The following ITGAX variants were observed in gnomAD, a reference collection of about 807,000 sequenced individuals.
The protein encoded by ITGAX is integrin alpha-X.
A neutral mutation model predicts 140.2 loss-of-function variants in ITGAX; 99 were observed. The observed-to-expected ratio is 0.71, with a 90% CI of 0.60 to 0.83. The LOEUF (loss-of-function observed/expected upper bound fraction) is 0.83. Ranked by LOEUF, ITGAX falls within the 40% of genes least tolerant of loss-of-function variation. ITGAX has a pLI of 0.00. For missense variants in ITGAX, 1,444 were observed against 1,482.0 expected (o/e 0.97, Z 0.42); for synonymous variants, 631 against 600.4 (o/e 1.05, Z -0.75).
chr16:31,378,879 C>T (rs140794332), intron 23 of ITGAX, among the ~76,000 whole-genome samples: 1 of 151,422 alleles, frequency 6.6e-6, no homozygotes, highest in African/African-American at 2.4e-5. Context: ...GCAGTTGTAC[C>T]ATCTCTGCTC....
At chr16:31,365,235 A>T (rs1165714422) in intron 14 of ITGAX, among the ~76,000 whole-genome samples, 1 of 152,134 alleles carries the variant, frequency 6.6e-6, no homozygotes, top group Non-Finnish European at 1.5e-5. Context: ...GTGACTGCTA[A>T]TGGGTGTGGA....
At chr16:31,357,486 C>T (rs868016039) in intron 5 of ITGAX, 122 bp downstream of exon 5, 2 of 662,962 alleles carry the variant, frequency 3.0e-6, no homozygotes, top group Admixed American at 2.9e-5. Context: ...AGAGTTACCA[C>T]GTGTTGCAGT....
chr16:31,380,665 G>A (rs2081060930), intron 28 of ITGAX, 41 bp downstream of exon 28: 2 of 1,609,772 alleles, frequency 1.2e-6, no homozygotes, highest in Non-Finnish European at 1.7e-6. Context: ...CTGGAAAGAG[G>A]GCCCCTAGGG....
rs532207342 is a variant in ITGAX at position 31,373,509 on chromosome 16, G to A, written c.2508+119G>A. ...TGCCATCTGGGGCACGCCTCTGCTC[G>A]TGTGGGTGTTCAACTTTGGGCATCG... On this transcript the variant is annotated intron_variant, in intron 20 of 29. Coordinates refer to ENST00000268296, the MANE Select transcript of ITGAX (RefSeq NM_000887.5). 4.9e-5 allele frequency: 51 copies of A among 1,033,322 alleles called. No individual in the cohort carries two copies. In the African/African-American group the frequency reaches 5.2e-4, roughly 11 times the overall value. The allele number at this position is 1,033,322 out of a possible 1,614,324, so 64.0% of individuals were successfully genotyped here.
intron 23 of ITGAX, 93 bp from the exon 24 acceptor site, chr16:31,379,475 C>A (rs2081048125): frequency 1.6e-6 from 2 of 1,247,940 alleles, no homozygotes; most frequent in East Asian, 2.5e-5. Context: ...ATTCCAAGGC[C>A]CCACCGACCA....
chr16:31,364,180 T>G (rs1349846881), intron 14 of ITGAX, among the ~76,000 whole-genome samples: 1 of 151,986 alleles, frequency 6.6e-6, no homozygotes, highest in Non-Finnish European at 1.5e-5. Flanking sequence ...TCCGACACTT[T>G]GGGAGGCTGA....
In ITGAX at chr16:31,380,038, G is replaced by C. The variant is rs751667087; in HGVS notation, c.3033G>C (p.Leu1011=). 4 of 1,614,100 alleles carry C rather than the reference G, an allele frequency of 2.5e-6. No individual in the cohort carries two copies. The highest frequency in any genetic ancestry group is 3.4e-6 in the Non-Finnish European group (4 of 1,179,988). ...TCGCACCCCCAGCATCTGACTTCCT[G>C]GCGCACATTCAGAAGAATCCCGTGC... ...EKIAPPASDF[L]AHIQKNPVLD... The change falls in exon 26 of 30, where the codon CTG becomes CTC. Residue 1011 remains leucine, a synonymous_variant. Transcript: ENST00000268296.
At chr16:31,373,537 G>GT (rs1480566490) in intron 20 of ITGAX, 147 bp downstream of exon 20, 22 of 750,202 alleles carry the variant, frequency 2.9e-5, no homozygotes, top group Non-Finnish European at 3.9e-5. Context: ...GGGCATCGCA[G>GT]TTTAAGGACA....
intron 14 of ITGAX, 124 bp from the exon 15 acceptor site, chr16:31,370,960 A>G (rs1212543056): frequency 3.4e-6 from 4 of 1,178,190 alleles, no homozygotes; most frequent in Non-Finnish European, 3.7e-6. Context: ...TCTTGGTGAC[A>G]TCTGTTCACA....
At position 31,357,923 on chromosome 16, in the gene ITGAX, G is replaced by A. The variant is rs116570341; in HGVS notation, c.430+559G>A. The A allele has an allele frequency of 6.3e-3, 1,158 of 183,914 alleles. 23 individuals carry two copies. The highest frequency in any genetic ancestry group is 0.026 in the African/African-American group (1,109 of 42,888). 11.4% of individuals were successfully genotyped at this position (183,914 alleles called of 1,614,324 possible). A position where few individuals can be genotyped will look rare whatever the true frequency, so the allele number is the denominator to read the frequency against. ...TGTGTGTGTGCGTGTGCACATGCAG[G>A]TTGAGACGCAGGGCCTGACTTCCCT... On this transcript the variant is annotated intron_variant, in intron 5 of 29. Coordinates refer to ENST00000268296, the MANE Select transcript of ITGAX (RefSeq NM_000887.5).
At chr16:31,369,646 T>A (rs558963323) in intron 14 of ITGAX, among the ~76,000 whole-genome samples, 1 of 152,352 alleles carries the variant, frequency 6.6e-6, no homozygotes, top group African/African-American at 2.4e-5. Flanking sequence ...ATTGTTAGCA[T>A]TTTTTACCAA....
At position 31,363,070 on chromosome 16, in the gene ITGAX, AG is replaced by A. The variant is rs2080852595; in HGVS notation, c.1500+1del. On this transcript the variant is annotated frameshift_variant, in exon 13 of 30. Coordinates refer to ENST00000268296, the MANE Select transcript of ITGAX (RefSeq NM_000887.5). LOFTEE classifies it high-confidence loss of function. ...GGQVSVCPLP[R>X]GWRRWWCDAV... ...CCAGGTGTCTGTGTGTCCCTTGCCC[AG>A]GGGGGTGAGTGGCTGATGGGCCTGG... The A allele has an allele frequency of 1.6e-6, 1 of 620,694 alleles. No homozygotes were observed. The highest frequency in any genetic ancestry group is 1.6e-5 in the South Asian group (1 of 62,208). The allele number at this position is 620,694 out of a possible 1,614,324, so 38.4% of individuals were successfully genotyped here. A position where few individuals can be genotyped will look rare whatever the true frequency, so the allele number is the denominator to read the frequency against.
chr16:31,362,007 G>T (rs1368531704), intron 10 of ITGAX, 68 bp from the exon 11 acceptor site: 1 of 1,612,976 alleles, frequency 6.2e-7, no homozygotes, highest in Non-Finnish European at 8.5e-7. Flanking sequence ...CAGGCGGAAG[G>T]CATATCTCTG....
In ITGAX at chr16:31,377,014, T is replaced by C; in HGVS notation, c.2640T>C (p.Ala880=). The C allele has an allele frequency of 6.2e-7, 1 of 1,614,196 alleles. No homozygotes were observed. Among genetic ancestry groups the C allele is most frequent in the Non-Finnish European group, 8.5e-7 (1 of 1,180,036 alleles). Residue 880 remains alanine (A), a synonymous_variant, in exon 22 of 30, where the codon GCT becomes GCC. Coordinates refer to ENST00000268296, the MANE Select transcript of ITGAX (RefSeq NM_000887.5). ...CTTTTCCTCAGATCACCTTCTTGGC[T>C]ACCTTTGACGTCTCCCCCAAGGCTG... ...FRGGAQITFL[A]TFDVSPKAVL...
intron 14 of ITGAX, among the ~76,000 whole-genome samples, chr16:31,367,627 G>A (rs2080905273): frequency 6.6e-6 from 1 of 152,160 alleles, no homozygotes; most frequent in African/African-American, 2.4e-5. Flanking sequence ...CTGCTGCTCA[G>A]AAAAATAGAT....
At chr16:31,366,978 T>C (rs566886080) in intron 14 of ITGAX, among the ~76,000 whole-genome samples, 3 of 152,266 alleles carry the variant, frequency 2.0e-5, no homozygotes, top group African/African-American at 4.8e-5. Flanking sequence ...CCAGTGAACA[T>C]ATGAATGATA....
intron 20 of ITGAX, among the ~76,000 whole-genome samples, chr16:31,374,064 G>A (rs550672799): frequency 8.5e-5 from 13 of 152,256 alleles, no homozygotes; most frequent in South Asian, 4.1e-4. Context: ...TGAGGCAGGC[G>A]GATCACCGGA....
chr16:31,378,580 C>G (rs2081040345), intron 23 of ITGAX, among the ~76,000 whole-genome samples: 1 of 151,916 alleles, frequency 6.6e-6, no homozygotes, highest in African/African-American at 2.4e-5. Flanking sequence ...AGCGAGCCTC[C>G]CACCTCAGCC....
At position 31,377,282 on chromosome 16, in the gene ITGAX, C is replaced by T. The variant is rs1338430010; in HGVS notation, c.2789+17C>T. 1.3e-6 allele frequency: 2 copies of T among 1,579,588 alleles called. No homozygotes were observed. Among genetic ancestry groups the T allele is most frequent in the Non-Finnish European group, 1.7e-6 (2 of 1,161,242 alleles). On this transcript the variant is annotated intron_variant, in intron 23 of 29. Transcript: ENST00000268296. ...GGTTAGCAGGTCAGCAGGTACCCCACTGCAGGAAAAAGGGTTCTTCTCTCT... is the reference window on the plus strand; with the variant it reads ...GGTTAGCAGGTCAGCAGGTACCCCATTGCAGGAAAAAGGGTTCTTCTCTCT...
Sources: gnomAD v4.1 joint callset for allele counts (sites outside exome capture counted in the v4.1 genomes callset) on GRCh38, gnomAD v4.1.1 for gene constraint, MANE v1.5 for transcripts, NCBI Gene and HGNC (gene_info 2026-07-23, HGNC 2026-07-21) for gene names.